The following KAZN variants were observed in gnomAD, a reference collection of about 807,000 sequenced individuals.
The protein encoded by KAZN is kazrin.
KAZN carries 40 observed loss-of-function variants against 87.4 expected under a neutral mutation model. The observed-to-expected ratio is 0.46, with a 90% CI of 0.36 to 0.60. The LOEUF (loss-of-function observed/expected upper bound fraction) is 0.60, where lower values mean the gene tolerates loss of function less well. Among genes scored for constraint, KAZN ranks in the 20% least tolerant of loss-of-function variants. The pLI, the probability that KAZN is intolerant of heterozygous loss-of-function variation, is 0.00. For synonymous variants in KAZN, 466 were observed against 458.3 expected (o/e 1.02, Z -0.22); for missense variants, 898 against 1,073.9 (o/e 0.84, Z 2.29).
intron 2 of KAZN, among the ~76,000 whole-genome samples, chr1:14,576,327 T>TGGAC (rs1409699072): frequency 4.0e-5 from 6 of 148,970 alleles, no homozygotes; most frequent in African/African-American, 9.9e-5. Flanking sequence ...GATGGATGGA[T>TGGAC]GGATGGACGG....
chr1:14,415,980 A>C (rs1464620952), intron 2 of KAZN, among the ~76,000 whole-genome samples: 1 of 152,204 alleles, frequency 6.6e-6, no homozygotes, highest in Non-Finnish European at 1.5e-5. Flanking sequence ...AGTCAGGTGA[A>C]TGGGGAGACA....
Position 14,685,874 on chromosome 1 carries a change from G to A in KAZN, c.226+86651G>A, listed in dbSNP as rs573462871. On this transcript the variant is annotated intron_variant, in intron 1 of 14. Coordinates refer to ENST00000376030, the MANE Select transcript of KAZN (RefSeq NM_201628.3). ...CTATGGCTTCTGTGTGTGTGCGCAC[G>A]TGTGTATTCAATTCCCATAACTCCG... is the stretch of plus-strand genomic sequence containing the variant. Among the ~76,000 whole-genome samples, 29 of 152,272 alleles carry A rather than the reference G, an allele frequency of 1.9e-4. 1 individual carries two copies. The East Asian group carries it at 4.2e-3, about 22-fold the overall frequency.
At chr1:14,185,564 A>C (rs955325950) in intron 2 of KAZN, among the ~76,000 whole-genome samples, 1 of 152,238 alleles carries the variant, frequency 6.6e-6, no homozygotes, top group Non-Finnish European at 1.5e-5. Flanking sequence ...CAAATCAGCA[A>C]GTCCAAAAGC....
intron 2 of KAZN, among the ~76,000 whole-genome samples, chr1:14,545,239 C>T (rs371165274): frequency 2.4e-3 from 365 of 152,308 alleles, no homozygotes; most frequent in African/African-American, 8.4e-3. Context: ...GTGTTACTGA[C>T]TTTATTAACT....
chr1:14,094,945 G>T (rs1428752833), intron 1 of KAZN, among the ~76,000 whole-genome samples: 1 of 152,168 alleles, frequency 6.6e-6, no homozygotes, highest in Non-Finnish European at 1.5e-5. Context: ...GCATTTGGGG[G>T]CCGCAATGTT....
At chr1:14,804,421 C>T (rs1259902422) in intron 1 of KAZN, among the ~76,000 whole-genome samples, 1 of 152,126 alleles carries the variant, frequency 6.6e-6, no homozygotes, top group Non-Finnish European at 1.5e-5. Context: ...TCTCCCCACT[C>T]AAAACTCCCA....
At chr1:14,945,364 C>T (rs369440171) in intron 1 of KAZN, among the ~76,000 whole-genome samples, 16 of 152,324 alleles carry the variant, frequency 1.1e-4, no homozygotes, top group Non-Finnish European at 2.2e-4. Flanking sequence ...CGTCCCAGGC[C>T]GGAAGGGCCC....
In KAZN at chr1:15,094,941, C is replaced by A; in HGVS notation, c.1547+8C>A. ...TGCCGAGGCAGGCCGCAGGTGAGCC[C>A]ACCACGAGGGGCCCCGGGGGAGGAG... On this transcript the variant is annotated splice_region_variant and intron_variant, in intron 10 of 14. Transcript: ENST00000376030. This position sits in a 1 kb window ranked among gnomAD's most constrained non-coding sequence, Gnocchi z 4.5. 1.3e-6 allele frequency: 2 copies of A among 1,542,758 alleles called. No homozygotes were observed. Among genetic ancestry groups the A allele is most frequent in the Non-Finnish European group, 1.8e-6 (2 of 1,140,492 alleles).
chr1:14,237,560 G>A (rs530460022), intron 2 of KAZN, among the ~76,000 whole-genome samples: 138 of 152,262 alleles, frequency 9.1e-4, no homozygotes, highest in Non-Finnish European at 1.5e-3. Context: ...CAATGAGAGA[G>A]AATACTCTGT....
At chr1:14,256,566 A>C (rs1246614075) in intron 2 of KAZN, among the ~76,000 whole-genome samples, 1 of 152,036 alleles carries the variant, frequency 6.6e-6, no homozygotes, top group African/African-American at 2.4e-5. Flanking sequence ...TGAGGTCTTT[A>C]TTTAGAACAT....
chr1:15,036,988 G>A (rs1330961621), intron 3 of KAZN, among the ~76,000 whole-genome samples: 2 of 152,180 alleles, frequency 1.3e-5, no homozygotes, highest in Non-Finnish European at 2.9e-5. Context: ...CAGGGCCTGG[G>A]TCCAGAGCCT....
chr1:15,065,738 C>G lies in KAZN; in HGVS notation c.1207C>G (p.Pro403Ala). The G allele has an allele frequency of 6.2e-7, 1 of 1,614,260 alleles. No homozygotes were observed. The highest frequency in any genetic ancestry group is 8.5e-7 in the Non-Finnish European group (1 of 1,180,040). The change falls in exon 8 of 15, where the codon CCC (proline) becomes GCC (alanine). Residue 403 changes from proline to alanine, a missense_variant. Physicochemically the swap from Pro to Ala is conservative, Grantham distance 27. Coordinates refer to ENST00000376030, the MANE Select transcript of KAZN (RefSeq NM_201628.3). ...ARGKQRKSLD[P>A]GLFDDSDSQC... The stretch of plus-strand genomic sequence containing the variant: ...AGGGAAGCAGCGGAAGTCCCTCGAC[C>G]CCGGCCTCTTTGATGGTACCGCCCC...
At chr1:14,695,173 C>T (rs1412245304) in intron 1 of KAZN, among the ~76,000 whole-genome samples, 2 of 152,182 alleles carry the variant, frequency 1.3e-5, no homozygotes, top group Non-Finnish European at 2.9e-5. Context: ...TTGCTTTGCC[C>T]TTCATTGAAC....
At chr1:14,377,384 T>C (rs1661000119) in intron 2 of KAZN, among the ~76,000 whole-genome samples, 1 of 152,236 alleles carries the variant, frequency 6.6e-6, no homozygotes, top group Non-Finnish European at 1.5e-5. Flanking sequence ...CGGTGCATTA[T>C]GAGAGCGATT....
intron 1 of KAZN, among the ~76,000 whole-genome samples, chr1:13,952,690 C>G (rs1361306617): frequency 6.6e-6 from 1 of 152,082 alleles, no homozygotes; most frequent in African/African-American, 2.4e-5. Context: ...ATAAAGTCAA[C>G]CTGTGTGCAC....
intron 8 of KAZN, among the ~76,000 whole-genome samples, chr1:15,073,055 G>A (rs777440659): frequency 7.2e-5 from 11 of 152,188 alleles, no homozygotes; most frequent in Non-Finnish European, 1.3e-4. Flanking sequence ...CATAGCTGGC[G>A]AAAGAATCAG....
At chr1:14,080,563 A>G (rs923473820) in intron 1 of KAZN, among the ~76,000 whole-genome samples, 1 of 152,208 alleles carries the variant, frequency 6.6e-6, no homozygotes, top group African/African-American at 2.4e-5. Flanking sequence ...CAAGTGGCAT[A>G]TTTGAGGGTG....
At chr1:14,679,622 A>C (rs1012397313) in intron 1 of KAZN, among the ~76,000 whole-genome samples, 3 of 152,182 alleles carry the variant, frequency 2.0e-5, no homozygotes, top group Non-Finnish European at 4.4e-5. Flanking sequence ...GAAAATAAAA[A>C]ACATGACCAA....
chr1:14,520,786 T>C (rs1398843395), intron 2 of KAZN, among the ~76,000 whole-genome samples: 1 of 152,218 alleles, frequency 6.6e-6, no homozygotes, highest in Non-Finnish European at 1.5e-5. Context: ...TCTTTTGCAC[T>C]AAACCAAAGA....
Sources: allele counts gnomAD v4.1 joint callset (sites outside exome capture counted in the v4.1 genomes callset), GRCh38; gene constraint gnomAD v4.1.1; non-coding constraint Gnocchi (gnomAD v3.1); transcripts MANE v1.5; gene names NCBI Gene and HGNC (gene_info 2026-07-23, HGNC 2026-07-21).